Variants in SLC71A2 observed in about 807,000 individuals in gnomAD.
SLC71A2 encodes the protein hippocampus abundant transcript-like 1.
chr9:94,419,155 C>T, the SLC71A2 span, among the ~76,000 whole-genome samples: 3 of 151,814 alleles, frequency 2.0e-5, no homozygotes, highest in Non-Finnish European at 4.4e-5. Flanking sequence ...GCCCTGTTGC[C>T]TAGGCTGAAA....
the SLC71A2 span, chr9:94,445,014 A>G: frequency 3.7e-6 from 6 of 1,614,142 alleles, no homozygotes; most frequent in East Asian, 2.2e-5. Flanking sequence ...CCATTGGAGC[A>G]TATCTTTCTG....
At chr9:94,382,978 C>T in the SLC71A2 span, among the ~76,000 whole-genome samples, 1 of 152,134 alleles carries the variant, frequency 6.6e-6, no homozygotes, top group Admixed American at 6.5e-5. Flanking sequence ...AGGCGTGAGT[C>T]ATTGTGCTTG....
At chr9:94,433,787 ATTAC>A in the SLC71A2 span, among the ~76,000 whole-genome samples, 1 of 152,190 alleles carries the variant, frequency 6.6e-6, no homozygotes, top group East Asian at 1.9e-4. Context: ...AAATACATTT[ATTAC>A]TTACATCAGA....
chr9:94,383,902 T>C, the SLC71A2 span, among the ~76,000 whole-genome samples: 1 of 152,150 alleles, frequency 6.6e-6, no homozygotes, highest in Non-Finnish European at 1.5e-5. Context: ...TTGTAAATGG[T>C]ATCATTACAT....
chr9:94,419,294 T>C, the SLC71A2 span, among the ~76,000 whole-genome samples: 4 of 111,836 alleles, frequency 3.6e-5, no homozygotes, highest in African/African-American at 1.3e-4. Context: ...TTCAACTTTT[T>C]TTTCTTTTTT....
the SLC71A2 span, among the ~76,000 whole-genome samples, chr9:94,431,768 C>G: frequency 1.3e-5 from 2 of 152,008 alleles, no homozygotes; most frequent in African/African-American, 2.4e-5. Context: ...ACCAACTGAG[C>G]CGACGTCCCA....
the SLC71A2 span, among the ~76,000 whole-genome samples, chr9:94,386,209 T>C: frequency 1.3e-5 from 2 of 151,488 alleles, no homozygotes; most frequent in South Asian, 4.2e-4. Context: ...TTTTTTTTCT[T>C]TTAGATGCTG....
chr9:94,421,794 G>A, the SLC71A2 span, among the ~76,000 whole-genome samples: 1 of 152,084 alleles, frequency 6.6e-6, no homozygotes, highest in African/African-American at 2.4e-5. Flanking sequence ...GAGAGCTTTG[G>A]TAGCTGGTCA....
chr9:94,398,122 G>A, the SLC71A2 span, among the ~76,000 whole-genome samples: 1 of 151,358 alleles, frequency 6.6e-6, no homozygotes, highest in South Asian at 2.1e-4. Flanking sequence ...TATTTATTTT[G>A]TACTTTGGAT....
chr9:94,403,837 C>G, the SLC71A2 span, among the ~76,000 whole-genome samples: 2 of 152,188 alleles, frequency 1.3e-5, no homozygotes, highest in African/African-American at 4.8e-5. Context: ...CACTTATCTT[C>G]TTATTTAAGA....
At chr9:94,439,631 A>C in the SLC71A2 span, among the ~76,000 whole-genome samples, 1 of 149,676 alleles carries the variant, frequency 6.7e-6, no homozygotes, top group Non-Finnish European at 1.5e-5. Flanking sequence ...TTCTAAATTT[A>C]TTGGGTACTT....
chr9:94,410,112 C>T, the SLC71A2 span, among the ~76,000 whole-genome samples: 37 of 151,100 alleles, frequency 2.4e-4, no homozygotes, highest in East Asian at 6.0e-3. Context: ...TTTTCCTAAA[C>T]GAGACTGGAG....
At chr9:94,423,617 G>A in the SLC71A2 span, among the ~76,000 whole-genome samples, 1 of 152,062 alleles carries the variant, frequency 6.6e-6, no homozygotes, top group South Asian at 2.1e-4. Context: ...TGGGTCTCTT[G>A]CTAGGTGGTA....
chr9:94,460,034 T>C, the SLC71A2 span: 1 of 152,582 alleles, frequency 6.6e-6, no homozygotes, highest in African/African-American at 2.4e-5. Context: ...CATAATAATA[T>C]TGAATAGTAA....
chr9:94,413,143 A>G, the SLC71A2 span, among the ~76,000 whole-genome samples: 3 of 151,676 alleles, frequency 2.0e-5, no homozygotes, highest in Non-Finnish European at 4.4e-5. Context: ...AAGTAAAAAA[A>G]TAAAAGTCTT....
the SLC71A2 span, among the ~76,000 whole-genome samples, chr9:94,452,648 C>CA: frequency 2.2e-5 from 2 of 90,154 alleles, no homozygotes; most frequent in South Asian, 5.3e-4. Context: ...TATATATATT[C>CA]ATATATATTC....
At chr9:94,435,843 G>A in the SLC71A2 span, among the ~76,000 whole-genome samples, 4 of 151,790 alleles carry the variant, frequency 2.6e-5, no homozygotes, top group African/African-American at 7.3e-5. Flanking sequence ...TAGTAGAGAC[G>A]GGGTTTCACC....
At chr9:94,395,782 T>G in the SLC71A2 span, among the ~76,000 whole-genome samples, 2 of 152,172 alleles carry the variant, frequency 1.3e-5, no homozygotes, top group Admixed American at 6.5e-5. Context: ...TGAATTAGAT[T>G]CATCTCCGGA....
At chr9:94,399,973 C>G in the SLC71A2 span, among the ~76,000 whole-genome samples, 2 of 151,894 alleles carry the variant, frequency 1.3e-5, no homozygotes, top group Admixed American at 1.3e-4. Context: ...GGTGGCCTGG[C>G]TAATTTTGTA....
Sources: gnomAD v4.1 joint callset for allele counts (sites outside exome capture counted in the v4.1 genomes callset) on GRCh38, gnomAD v4.1.1 for gene constraint, MANE v1.5 for transcripts, NCBI Gene and HGNC (gene_info 2026-07-23, HGNC 2026-07-21) for gene names.